COL24A1: variants seen among roughly 807,000 people sequenced by gnomAD.
The protein encoded by COL24A1 is collagen alpha-1(XXIV) chain.
A neutral mutation model predicts 253.9 loss-of-function variants in COL24A1; 224 were observed. The observed-to-expected ratio is 0.88, with a 90% CI of 0.79 to 0.99. The LOEUF is 0.99. Among genes scored for constraint, COL24A1 ranks in the 50% least tolerant of loss-of-function variants. COL24A1 has a pLI of 0.00. For synonymous variants in COL24A1, 685 were observed against 673.7 expected (o/e 1.02, Z -0.26); for missense variants, 2,131 against 2,068.5 (o/e 1.03, Z -0.59).
chr1:86,107,959 C>T (rs965791763), intron 5 of COL24A1, among the ~76,000 whole-genome samples: 3 of 152,012 alleles, frequency 2.0e-5, no homozygotes, highest in East Asian at 1.9e-4. Flanking sequence ...CCCCAAGAGG[C>T]CTAAGTTTTT....
intron 24 of COL24A1, among the ~76,000 whole-genome samples, chr1:85,927,221 T>C (rs529734278): frequency 1.1e-3 from 165 of 152,160 alleles, no homozygotes; most frequent in Non-Finnish European, 1.9e-3. Context: ...CCAGTGTGTG[T>C]GCGCACCGTG....
chr1:86,087,395 C>A (rs940018614), intron 7 of COL24A1, among the ~76,000 whole-genome samples: 1 of 152,134 alleles, frequency 6.6e-6, no homozygotes, highest in Non-Finnish European at 1.5e-5. Flanking sequence ...TAAACAAGTA[C>A]AACTTCAAAG....
intron 24 of COL24A1, among the ~76,000 whole-genome samples, chr1:85,954,431 A>C (rs538468519): frequency 2.0e-5 from 3 of 152,332 alleles, no homozygotes; most frequent in East Asian, 3.9e-4. Flanking sequence ...GAGAAGTTAA[A>C]GATATCTCCT....
At chr1:86,097,679 C>T (rs1411043779) in intron 5 of COL24A1, among the ~76,000 whole-genome samples, 1 of 149,524 alleles carries the variant, frequency 6.7e-6, no homozygotes, top group Non-Finnish European at 1.5e-5. Flanking sequence ...TCCTCCTCCT[C>T]CTTCTTCTTC....
chr1:86,135,564 T>C (rs1185324815), intron 2 of COL24A1, among the ~76,000 whole-genome samples: 1 of 151,986 alleles, frequency 6.6e-6, no homozygotes, highest in Non-Finnish European at 1.5e-5. Flanking sequence ...TTCTTATTTG[T>C]CTTTACTGTT....
rs1446692275 is a variant in COL24A1, at chr1:86,031,876, A to T, written c.2049+2T>A. ...AGAATGATGATATTTAGTGATACTC[A>T]CTCTAAGCCCAGGAAACCCCGGAGG... On this transcript the variant is annotated splice_donor_variant, in intron 14 of 59. Transcript: ENST00000370571. LOFTEE classifies it high-confidence loss of function. The T allele has an allele frequency of 6.2e-7, 1 of 1,601,698 alleles. No individual in the cohort carries two copies. The highest frequency in any genetic ancestry group is 8.5e-7 in the Non-Finnish European group (1 of 1,173,844).
chr1:86,110,931 C>A (rs1018829028), intron 5 of COL24A1, among the ~76,000 whole-genome samples: 1 of 152,182 alleles, frequency 6.6e-6, no homozygotes, highest in Non-Finnish European at 1.5e-5. Context: ...TGAGGAGTGC[C>A]GGCAAGTGGA....
rs760024486 is a variant in COL24A1, at chr1:86,126,006, AGT to A, written c.328_329del (p.Thr110TrpfsTer16). ...VNLGQPFTIL[T>X]GLQSHRVNNA... ...TGTTCACCCGATGTGACTGTAACCCAGTTAATATTGTAAACGGCTGCCCCAAG... is the reference window on the plus strand; with the variant it reads ...TGTTCACCCGATGTGACTGTAACCCATAATATTGTAAACGGCTGCCCCAAG... On this transcript the variant is annotated frameshift_variant, in exon 3 of 60. Transcript: ENST00000370571. LOFTEE classifies it high-confidence loss of function. 2 of 1,613,644 alleles carry A rather than the reference AGT, an allele frequency of 1.2e-6. No individual in the cohort carries two copies. The highest frequency in any genetic ancestry group is 2.7e-5 in the African/African-American group (2 of 74,996).
At chr1:85,921,853 T>A (rs1686540496) in intron 24 of COL24A1, among the ~76,000 whole-genome samples, 1 of 152,096 alleles carries the variant, frequency 6.6e-6, no homozygotes, top group Non-Finnish European at 1.5e-5. Context: ...AGAAGGTCAG[T>A]AATAACAAAC....
intron 55 of COL24A1, among the ~76,000 whole-genome samples, chr1:85,758,067 A>G (rs1666448019): frequency 6.6e-6 from 1 of 152,148 alleles, no homozygotes; most frequent in South Asian, 2.1e-4. Context: ...GGGAGAATGT[A>G]ATCTTCATAA....
intron 21 of COL24A1, 47 bp downstream of exon 21, chr1:85,971,293 T>A (rs1159016562): frequency 1.3e-6 from 2 of 1,545,608 alleles, no homozygotes; most frequent in Admixed American, 1.8e-5. Context: ...GGGAAAATTT[T>A]AACTAAAAAC....
At chr1:85,819,770 C>T (rs530166596) in intron 45 of COL24A1, among the ~76,000 whole-genome samples, 83 of 151,646 alleles carry the variant, frequency 5.5e-4, no homozygotes, top group African/African-American at 1.3e-3. Flanking sequence ...AAAAGAGAAG[C>T]GGGACTGTTA....
chr1:85,875,266 T>C lies in COL24A1; in HGVS notation c.3084+11A>G, dbSNP rs774119877. The C allele has an allele frequency of 1.6e-5, 25 of 1,612,298 alleles. No homozygotes were observed. The South Asian group carries it at 2.6e-4, about 17-fold the overall frequency. Reference sequence around the variant, plus strand: ...AGTTTAGAGATTCTCCTTTATTTTTTAGAAGGTTACCTTTGCACCTGGTTC... The same window carrying C: ...AGTTTAGAGATTCTCCTTTATTTTTCAGAAGGTTACCTTTGCACCTGGTTC... On this transcript the variant is annotated intron_variant, in intron 34 of 59. Transcript: ENST00000370571.
intron 37 of COL24A1, among the ~76,000 whole-genome samples, chr1:85,862,129 A>T: frequency 6.6e-6 from 1 of 152,102 alleles, no homozygotes; most frequent in Non-Finnish European, 1.5e-5. Flanking sequence ...TTTCATTAGT[A>T]TGTTTATTTC....
intron 19 of COL24A1, among the ~76,000 whole-genome samples, chr1:86,007,260 C>CA (rs1352232819): frequency 6.6e-6 from 1 of 152,038 alleles, no homozygotes; most frequent in Non-Finnish European, 1.5e-5. Flanking sequence ...CCACCACCAC[C>CA]AAAACCCAGT....
chr1:85,829,554 G>A (rs1265939488), intron 43 of COL24A1, among the ~76,000 whole-genome samples: 1 of 151,880 alleles, frequency 6.6e-6, no homozygotes, highest in Non-Finnish European at 1.5e-5. Flanking sequence ...TCACTTTCAG[G>A]TACACCAATC....
At chr1:86,135,219 C>G (rs1361301617) in intron 2 of COL24A1, among the ~76,000 whole-genome samples, 1 of 152,002 alleles carries the variant, frequency 6.6e-6, no homozygotes, top group Admixed American at 6.6e-5. Flanking sequence ...TTCCTCCATC[C>G]CTTTATTTTG....
chr1:86,090,027 A>C (rs954948769), intron 6 of COL24A1, among the ~76,000 whole-genome samples: 2 of 152,140 alleles, frequency 1.3e-5, no homozygotes, highest in African/African-American at 4.8e-5. Context: ...TCTGGAGCTG[A>C]GCTGGTGCCT....
intron 32 of COL24A1, 145 bp from the exon 33 acceptor site, chr1:85,877,320 T>G (rs978344155): frequency 1.8e-6 from 1 of 569,378 alleles, no homozygotes; most frequent in African/African-American, 2.0e-5. Flanking sequence ...ATTACTTTAC[T>G]CTGTATAAAC....
Sources: allele counts gnomAD v4.1 joint callset (sites outside exome capture counted in the v4.1 genomes callset), GRCh38; gene constraint gnomAD v4.1.1; transcripts MANE v1.5; gene names NCBI Gene and HGNC (gene_info 2026-07-23, HGNC 2026-07-21).